The following CDKL4 variants were observed in gnomAD, a reference collection of about 807,000 sequenced individuals.
CDKL4 encodes cyclin dependent kinase like 4.
A neutral mutation model predicts 42.0 loss-of-function variants in CDKL4; 44 were observed. The observed-to-expected ratio is 1.05, with a 90% confidence interval of 0.82 to 1.35. The LOEUF (loss-of-function observed/expected upper bound fraction) is 1.35. Among genes scored for constraint, CDKL4 ranks in the 40% most tolerant of loss-of-function variants. CDKL4 has a pLI of 0.00. For synonymous variants in CDKL4, 120 were observed against 121.6 expected (o/e 0.99, Z 0.09); for missense variants, 393 against 369.9 (o/e 1.06, Z -0.51).
At chr2:39,231,709 T>C (rs1050497852) in intron 1 of CDKL4, among the ~76,000 whole-genome samples, 7 of 152,200 alleles carry the variant, frequency 4.6e-5, no homozygotes, top group African/African-American at 9.6e-5. Context: ...TGCATAGTAA[T>C]AGATGGCTGG....
chr2:39,215,939 T>C (rs1677891440), intron 3 of CDKL4, among the ~76,000 whole-genome samples: 1 of 152,188 alleles, frequency 6.6e-6, no homozygotes, highest in Admixed American at 6.5e-5. Flanking sequence ...TGAATACTGA[T>C]ATAACTGTAT....
intron 8 of CDKL4, 39 bp from the exon 9 acceptor site, chr2:39,179,360 G>A (rs373367681): frequency 6.6e-7 from 1 of 1,505,060 alleles, no homozygotes; most frequent in African/African-American, 1.4e-5. Context: ...TGTTAAGGGA[G>A]GGGCTCATTT....
upstream of CDKL4, among the ~76,000 whole-genome samples, chr2:39,247,057 A>C (rs554751178): frequency 5.7e-4 from 87 of 152,256 alleles, no homozygotes; most frequent in African/African-American, 1.9e-3. Flanking sequence ...CCTTGTTTTA[A>C]TACTACTTAC....
At chr2:39,241,021 G>A (rs1287122160) in intron 1 of CDKL4, among the ~76,000 whole-genome samples, 2 of 152,198 alleles carry the variant, frequency 1.3e-5, no homozygotes, top group African/African-American at 4.8e-5. Context: ...AATGCGACGT[G>A]TGATCCTGAA....
At position 39,196,606 on chromosome 2, in the gene CDKL4, A is replaced by T. The variant is rs568105311; in HGVS notation, c.455-6104T>A. 2.0e-5 allele frequency among the ~76,000 whole-genome samples: 3 copies of T among 151,986 alleles called. No individual in the cohort carries two copies. The East Asian group carries it at 5.8e-4, about 29-fold the overall frequency. On this transcript the variant is annotated intron_variant, in intron 5 of 9. Transcript: ENST00000451199. ...AAACAATCCAGTAACATGATGACAA[A>T]ATAAGGTTCTTTTTTTTTTGAGACG... is the stretch of plus-strand genomic sequence containing the variant.
At chr2:39,186,989 T>C (rs1487244265) in intron 7 of CDKL4, among the ~76,000 whole-genome samples, 1 of 152,256 alleles carries the variant, frequency 6.6e-6, no homozygotes, top group Non-Finnish European at 1.5e-5. Flanking sequence ...ATATGTGTGA[T>C]ATGGTTTGGC....
chr2:39,213,592 GT>G, intron 3 of CDKL4, 120 bp from the exon 4 acceptor site: 1 of 504,302 alleles, frequency 2.0e-6, no homozygotes, highest in Non-Finnish European at 3.6e-6. Context: ...ATGCGGAAGG[GT>G]CCTAAAAATA....
chr2:39,212,704 G>T (rs1265435034), intron 4 of CDKL4, among the ~76,000 whole-genome samples: 1 of 152,128 alleles, frequency 6.6e-6, no homozygotes, highest in East Asian at 1.9e-4. Flanking sequence ...CTGTTGTCCA[G>T]GCTGGAGAGC....
Position 39,185,173 on chromosome 2 carries a change from T to TAC in CDKL4, c.736-527_736-526insGT, listed in dbSNP as rs1558546288. Among the ~76,000 whole-genome samples, 31 of 129,474 alleles carry TAC rather than the reference T, an allele frequency of 2.4e-4. 2 individuals are homozygous for TAC. The highest frequency in any genetic ancestry group is 9.3e-4 in the African/African-American group (30 of 32,210). 84.9% of individuals were successfully genotyped at this position (129,474 alleles called of 152,430 possible). On this transcript the variant is annotated intron_variant, in intron 7 of 9. Transcript: ENST00000451199. ...GTATATATATACACATATGTATATA[T>TAC]ATACATATGTGTATATACATATATA...
chr2:39,197,265 A>C (rs1270776384), intron 5 of CDKL4, among the ~76,000 whole-genome samples: 1 of 152,176 alleles, frequency 6.6e-6, no homozygotes, highest in Non-Finnish European at 1.5e-5. Context: ...AAATTAACCC[A>C]ATCTGTCAAA....
At chr2:39,200,125 A>T (rs746372371) in intron 5 of CDKL4, among the ~76,000 whole-genome samples, 6 of 152,180 alleles carry the variant, frequency 3.9e-5, no homozygotes, top group Non-Finnish European at 5.9e-5. Context: ...GAACTGGTAA[A>T]TGAATTCAGC....
At chr2:39,208,497 C>T (rs903212636) in intron 4 of CDKL4, among the ~76,000 whole-genome samples, 5 of 151,974 alleles carry the variant, frequency 3.3e-5, no homozygotes, top group Admixed American at 6.6e-5. Flanking sequence ...CTCACCACCA[C>T]GCCTGGCTAA....
intron 1 of CDKL4, among the ~76,000 whole-genome samples, chr2:39,236,585 G>A: frequency 6.6e-6 from 1 of 152,096 alleles, no homozygotes. Context: ...ACAACAATAT[G>A]CTTAATGGCT....
At chr2:39,239,616 A>C (rs1679551462) in intron 1 of CDKL4, among the ~76,000 whole-genome samples, 1 of 152,244 alleles carries the variant, frequency 6.6e-6, no homozygotes, top group African/African-American at 2.4e-5. Flanking sequence ...GCTGTTAGCC[A>C]TTAGGGAAGT....
intron 5 of CDKL4, among the ~76,000 whole-genome samples, chr2:39,194,110 G>T (rs998581658): frequency 1.8e-4 from 28 of 152,208 alleles, no homozygotes; most frequent in African/African-American, 6.5e-4. Context: ...TCAAGAATTT[G>T]TTCGAAATTG....
Position 39,179,634 on chromosome 2 carries a change from G to C in CDKL4, c.793-313C>G, listed in dbSNP as rs111990908. Among the ~76,000 whole-genome samples the C allele has an allele frequency of 3.3e-3, 503 of 152,306 alleles. 4 individuals are homozygous for C. Among genetic ancestry groups the C allele is most frequent in the African/African-American group, 0.012 (484 of 41,566 alleles). On this transcript the variant is annotated intron_variant, in intron 8 of 9. Transcript: ENST00000451199. ...CGTTTATAGCAGTCTGCAGAGTATA[G>C]TCCCTGGACTAAAAACATCAGCGTC...
chr2:39,175,607 C>T (rs1675132483), downstream of CDKL4: 1 of 165,494 alleles, frequency 6.0e-6, no homozygotes, highest in Non-Finnish European at 1.3e-5. Flanking sequence ...CTTACACAAA[C>T]AGTGAGGCAG....
intron 1 of CDKL4, among the ~76,000 whole-genome samples, chr2:39,240,697 A>G (rs898453926): frequency 2.0e-5 from 3 of 150,068 alleles, no homozygotes; most frequent in African/African-American, 7.3e-5. Flanking sequence ...AAAAAAAAAG[A>G]AAAAAGAACC....
At chr2:39,189,232 T>G (rs138302315) in intron 6 of CDKL4, among the ~76,000 whole-genome samples, 1 of 152,320 alleles carries the variant, frequency 6.6e-6, no homozygotes, top group Non-Finnish European at 1.5e-5. Context: ...AGGTGTCACT[T>G]TCTTTGCATC....
Sources: gnomAD v4.1 joint callset for allele counts (sites outside exome capture counted in the v4.1 genomes callset) on GRCh38, gnomAD v4.1.1 for gene constraint, MANE v1.5 for transcripts, NCBI Gene and HGNC (gene_info 2026-07-23, HGNC 2026-07-21) for gene names.